Variants in C7orf78 observed in about 807,000 individuals in gnomAD.
C7orf78 encodes the protein putative uncharacterized protein C7orf78.
At chr7:12,517,786 A>AT in the C7orf78 span, among the ~76,000 whole-genome samples, 1 of 151,714 alleles carries the variant, frequency 6.6e-6, no homozygotes, top group Admixed American at 6.6e-5. Context: ...ATCCTGAATT[A>AT]TTTTTTCTGA....
At chr7:12,512,686 A>G in the C7orf78 span, among the ~76,000 whole-genome samples, 9 of 152,262 alleles carry the variant, frequency 5.9e-5, no homozygotes, top group East Asian at 1.7e-3. Context: ...CTTTTGTATC[A>G]GAGTAATGCT....
At chr7:12,528,877 C>T in the C7orf78 span, 6 of 398,142 alleles carry the variant, frequency 1.5e-5, no homozygotes, top group African/African-American at 1.2e-4. Flanking sequence ...ATTGCTAAGC[C>T]TCTCATTTGT....
the C7orf78 span, among the ~76,000 whole-genome samples, chr7:12,505,541 A>G: frequency 6.6e-6 from 1 of 152,192 alleles, no homozygotes; most frequent in African/African-American, 2.4e-5. Flanking sequence ...AGGTATAAAT[A>G]TACTATCTTA....
chr7:12,495,215 C>T, the C7orf78 span, among the ~76,000 whole-genome samples: 1 of 152,202 alleles, frequency 6.6e-6, no homozygotes, highest in African/African-American at 2.4e-5. Flanking sequence ...TCATCTTACG[C>T]TGTAAATTTG....
the C7orf78 span, among the ~76,000 whole-genome samples, chr7:12,519,600 G>A: frequency 6.6e-6 from 1 of 152,312 alleles, no homozygotes; most frequent in African/African-American, 2.4e-5. Context: ...GACACAGTTA[G>A]AGGTGGAGTC....
At chr7:12,506,649 G>C in the C7orf78 span, among the ~76,000 whole-genome samples, 1 of 152,192 alleles carries the variant, frequency 6.6e-6, no homozygotes, top group South Asian at 2.1e-4. Flanking sequence ...CATGGGGTGG[G>C]AGGCTGGGGG....
the C7orf78 span, among the ~76,000 whole-genome samples, chr7:12,493,890 G>C: frequency 6.6e-6 from 1 of 152,170 alleles, no homozygotes; most frequent in Admixed American, 6.5e-5. Flanking sequence ...TATCAGGAAG[G>C]CACGAAGATT....
the C7orf78 span, among the ~76,000 whole-genome samples, chr7:12,511,223 A>G: frequency 6.6e-6 from 1 of 152,076 alleles, no homozygotes; most frequent in Non-Finnish European, 1.5e-5. Context: ...TGGATTCTCT[A>G]TTCTGTACCT....
the C7orf78 span, among the ~76,000 whole-genome samples, chr7:12,517,526 C>A: frequency 1.3e-5 from 2 of 152,114 alleles, no homozygotes; most frequent in Non-Finnish European, 2.9e-5. Flanking sequence ...ATTCATATAT[C>A]ATTTGCTTTA....
At chr7:12,510,303 G>A in the C7orf78 span, among the ~76,000 whole-genome samples, 1 of 151,984 alleles carries the variant, frequency 6.6e-6, no homozygotes, top group South Asian at 2.1e-4. Flanking sequence ...TCCTACCTCA[G>A]CCTCCCAAGT....
chr7:12,528,648 A>T, the C7orf78 span, among the ~76,000 whole-genome samples: 1 of 152,220 alleles, frequency 6.6e-6, no homozygotes, highest in Admixed American at 6.5e-5. Context: ...ATACCATCCC[A>T]CAGGAGACAC....
the C7orf78 span, chr7:12,530,347 A>G: frequency 6.6e-6 from 1 of 152,200 alleles, no homozygotes; most frequent in Non-Finnish European, 1.5e-5. Flanking sequence ...AAGATGCCAA[A>G]AAAGTATATT....
the C7orf78 span, among the ~76,000 whole-genome samples, chr7:12,495,276 G>A: frequency 3.3e-5 from 5 of 152,248 alleles, no homozygotes; most frequent in East Asian, 9.6e-4. Flanking sequence ...ATGTCAGATG[G>A]TGGCCACAAA....
chr7:12,534,169 T>C, the C7orf78 span, among the ~76,000 whole-genome samples: 12 of 152,308 alleles, frequency 7.9e-5, no homozygotes, highest in Admixed American at 7.2e-4. Context: ...GCAGAGCCTA[T>C]AGATTTTCAA....
chr7:12,484,673 A>G, the C7orf78 span, among the ~76,000 whole-genome samples: 1 of 152,202 alleles, frequency 6.6e-6, no homozygotes, highest in Admixed American at 6.5e-5. Flanking sequence ...CTGTCATGGC[A>G]TGTCATACAT....
At chr7:12,487,365 AAAGT>A in the C7orf78 span, among the ~76,000 whole-genome samples, 4 of 152,174 alleles carry the variant, frequency 2.6e-5, no homozygotes, top group East Asian at 7.7e-4. Flanking sequence ...AACTCAAATA[AAAGT>A]AAGACTACAC....
At chr7:12,532,410 G>A in the C7orf78 span, among the ~76,000 whole-genome samples, 1 of 152,026 alleles carries the variant, frequency 6.6e-6, no homozygotes, top group Admixed American at 6.6e-5. Context: ...TTAGCTGGGT[G>A]TAATGGTGGG....
At chr7:12,512,535 A>G in the C7orf78 span, among the ~76,000 whole-genome samples, 4 of 152,160 alleles carry the variant, frequency 2.6e-5, no homozygotes, top group Non-Finnish European at 5.9e-5. Context: ...CCTGGTATAA[A>G]TCACACCTTA....
the C7orf78 span, chr7:12,491,385 C>A: frequency 6.6e-6 from 1 of 152,212 alleles, no homozygotes; most frequent in African/African-American, 2.4e-5. Flanking sequence ...GCTCTATCAG[C>A]CTATGGTTTG....
Sources: gnomAD v4.1 joint callset for allele counts (sites outside exome capture counted in the v4.1 genomes callset) on GRCh38, gnomAD v4.1.1 for gene constraint, MANE v1.5 for transcripts, NCBI Gene and HGNC (gene_info 2026-07-23, HGNC 2026-07-21) for gene names.